The following CRHR1 variants were observed in gnomAD, a reference collection of about 807,000 sequenced individuals.
CRHR1 encodes the protein corticotropin releasing hormone receptor 1.
Under a neutral mutation model 56.0 loss-of-function variants are expected in CRHR1, and 28 were observed. The observed-to-expected ratio is 0.50, with a 90% CI of 0.37 to 0.69. The LOEUF (loss-of-function observed/expected upper bound fraction) is 0.69, where lower values mean the gene tolerates loss of function less well. CRHR1 is among the 30% of genes least tolerant of loss of function. The pLI is 0.00. For synonymous variants in CRHR1, 195 were observed against 216.5 expected (o/e 0.90, Z 0.87); for missense variants, 376 against 548.0 (o/e 0.69, Z 3.13).
At chr17:45,816,266 A>C (rs1166351310) in intron 2 of CRHR1, among the ~76,000 whole-genome samples, 197 bp from the exon 3 acceptor site, 1 of 152,180 alleles carries the variant, frequency 6.6e-6, no homozygotes, top group Non-Finnish European at 1.5e-5. Context: ...CCATAGCATC[A>C]GATTCAGATT....
intron 1 of CRHR1, among the ~76,000 whole-genome samples, chr17:45,788,528 C>T (rs192193772): frequency 6.6e-6 from 1 of 152,320 alleles, no homozygotes; most frequent in African/African-American, 2.4e-5. Context: ...AGTACTCTCT[C>T]TGGGCTTCAG....
Position 45,835,335 on chromosome 17 carries a change from C to A in CRHR1, c.*571C>A. The A allele has an allele frequency of 6.5e-6, 1 of 152,928 alleles. No individual in the cohort carries two copies. The highest frequency in any genetic ancestry group is 1.5e-5 in the Non-Finnish European group (1 of 68,228). The allele number at this position is 152,928 out of a possible 1,614,324, so 9.5% of individuals were successfully genotyped here. On this transcript the variant is annotated 3_prime_UTR_variant, in exon 13 of 13. Coordinates refer to ENST00000314537, the MANE Select transcript of CRHR1 (RefSeq NM_004382.5). Reference sequence around the variant, plus strand: ...ACTTGCGGCCACAGCACTAGAGTCACCCCCCCAGGCCTCCAGAACCTTACT... The same window carrying A: ...ACTTGCGGCCACAGCACTAGAGTCAACCCCCCAGGCCTCCAGAACCTTACT...
At chr17:45,833,914 A>G in intron 11 of CRHR1, 65 bp downstream of exon 11, 4 of 1,612,582 alleles carry the variant, frequency 2.5e-6, no homozygotes, top group Non-Finnish European at 2.5e-6. Flanking sequence ...AGAGGCCTGG[A>G]GGGCAGGAGG....
chr17:45,799,367 T>G (rs1022291133), intron 1 of CRHR1: 2 of 152,266 alleles, frequency 1.3e-5, no homozygotes, highest in Non-Finnish European at 2.9e-5. Flanking sequence ...TTGATTGCAC[T>G]GACGCTTTAT....
At chr17:45,806,440 A>G (rs1268913321) in intron 1 of CRHR1, among the ~76,000 whole-genome samples, 1 of 152,230 alleles carries the variant, frequency 6.6e-6, no homozygotes, top group Admixed American at 6.5e-5. Flanking sequence ...GCAGATGTAC[A>G]AGAGCTTGAT....
At chr17:45,793,998 C>T (rs766234480) in intron 1 of CRHR1, among the ~76,000 whole-genome samples, 78 of 152,334 alleles carry the variant, frequency 5.1e-4, no homozygotes, top group Non-Finnish European at 9.0e-4. Context: ...CAGAACTAAG[C>T]CCAACTATCA....
chr17:45,834,947 G>C lies in CRHR1; in HGVS notation c.*183G>C. 1.3e-6 allele frequency: 1 copy of C among 794,142 alleles called. No individual in the cohort carries two copies. The highest frequency in any genetic ancestry group is 1.9e-6 in the Non-Finnish European group (1 of 513,548). 49.2% of individuals were successfully genotyped at this position (794,142 alleles called of 1,614,324 possible). A position where few individuals can be genotyped will look rare whatever the true frequency, so the allele number is the denominator to read the frequency against. ...GCAGCCGTGCAGGACTCTAGCTCAT[G>C]AGTGGAAAGTCACCTACAGGACTGG... On this transcript the variant is annotated 3_prime_UTR_variant, in exon 13 of 13. Transcript: ENST00000314537.
intron 2 of CRHR1, among the ~76,000 whole-genome samples, chr17:45,811,184 G>A (rs1359552529): frequency 6.6e-6 from 1 of 152,240 alleles, no homozygotes; most frequent in African/African-American, 2.4e-5. Flanking sequence ...CCCTGAGCCT[G>A]ATGGGAGGCA....
rs1401695907 is a variant in CRHR1 at position 45,830,966 on chromosome 17, AC to A, written c.770+30del. 6 of 1,611,862 alleles carry A rather than the reference AC, an allele frequency of 3.7e-6. No individual in the cohort carries two copies. In the South Asian group the frequency reaches 5.5e-5, roughly 15 times the overall value. ...GTAAGTCATCTCCTTTCCCTTCCTG[AC>A]CCCAAGGTTTAGGCTCCCAGCCCAG... On this transcript the variant is annotated intron_variant, in intron 8 of 12. Transcript: ENST00000314537.
intron 7 of CRHR1, 155 bp downstream of exon 7, chr17:45,830,725 G>A: frequency 8.4e-7 from 1 of 1,196,130 alleles, no homozygotes; most frequent in Non-Finnish European, 1.2e-6. Context: ...TCTTGGGGGT[G>A]GGCGGCAGTA....
intron 2 of CRHR1, among the ~76,000 whole-genome samples, chr17:45,810,432 G>C (rs938346025): frequency 1.3e-5 from 2 of 152,126 alleles, no homozygotes; most frequent in African/African-American, 4.8e-5. Context: ...GGAACCTAAG[G>C]CTCAGAGAAG....
At chr17:45,834,571 G>A (rs2062394671) in intron 12 of CRHR1, 53 bp from the exon 13 acceptor site, 5 of 1,558,368 alleles carry the variant, frequency 3.2e-6, no homozygotes, top group Non-Finnish European at 4.3e-6. Context: ...CCAGGGGAGG[G>A]AGGGGGTCCT....
chr17:45,799,814 G>A (rs549613859), intron 1 of CRHR1: 3 of 152,464 alleles, frequency 2.0e-5, no homozygotes, highest in Non-Finnish European at 2.9e-5. Flanking sequence ...CTGGGATGAT[G>A]AGGGTGACAA....
intron 1 of CRHR1, among the ~76,000 whole-genome samples, chr17:45,797,279 C>CTT (rs2061535461): frequency 7.5e-6 from 1 of 133,548 alleles, no homozygotes; most frequent in African/African-American, 2.9e-5. Flanking sequence ...CTTTTTCTTT[C>CTT]TTTCTTTTTT....
intron 1 of CRHR1, among the ~76,000 whole-genome samples, chr17:45,790,581 C>G (rs1385480126): frequency 6.6e-6 from 1 of 152,204 alleles, no homozygotes; most frequent in Non-Finnish European, 1.5e-5. Context: ...TCCATCTCAC[C>G]CGCCTGGCAC....
intron 8 of CRHR1, 26 bp from the exon 9 acceptor site, chr17:45,833,112 C>T: frequency 6.2e-7 from 1 of 1,600,372 alleles, no homozygotes; most frequent in Non-Finnish European, 8.6e-7. Flanking sequence ...ATGACCCTTC[C>T]TCCCCTTTCC....
At chr17:45,834,176 G>C (rs1267372464) in intron 12 of CRHR1, 128 bp downstream of exon 12, 1 of 1,186,078 alleles carries the variant, frequency 8.4e-7, no homozygotes, top group South Asian at 1.3e-5. Flanking sequence ...GTCCCTAGGG[G>C]TATGCTGCTG....
Position 45,786,730 on chromosome 17 carries a change from C to G in CRHR1, c.33+2153C>G, listed in dbSNP as rs956439660. Among the ~76,000 whole-genome samples the G allele has an allele frequency of 1.3e-4, 19 of 149,530 alleles. No homozygotes were observed. In the Admixed American group the frequency reaches 1.3e-3, roughly 10 times the overall value. On this transcript the variant is annotated intron_variant, in intron 1 of 12. Coordinates refer to ENST00000314537, the MANE Select transcript of CRHR1 (RefSeq NM_004382.5). ...TCATGGCTCACTGAAGCCTCAACCT[C>G]CCTAGGCTCTGGTGATCCTCCCACC...
chr17:45,797,283 C>CTTTTTTTTTTTTTTTTTT (rs899983592), intron 1 of CRHR1, among the ~76,000 whole-genome samples: 1 of 94,930 alleles, frequency 1.1e-5, no homozygotes, highest in Non-Finnish European at 1.9e-5. Flanking sequence ...TTCTTTCTTT[C>CTTTTTTTTTTTTTTTTTT]TTTTTTTTTT....
Sources: allele counts gnomAD v4.1 joint callset (sites outside exome capture counted in the v4.1 genomes callset), GRCh38; gene constraint gnomAD v4.1.1; transcripts MANE v1.5; gene names NCBI Gene and HGNC (gene_info 2026-07-23, HGNC 2026-07-21).